Variants in ARMC3 observed in about 807,000 individuals in gnomAD.
ARMC3 encodes armadillo repeat containing 3.
ARMC3 carries 74 observed loss-of-function variants against 90.3 expected under a neutral mutation model. The ratio of observed to expected loss-of-function variants is 0.82; its 90% CI spans 0.68 to 0.99. The LOEUF is 0.99. ARMC3 is among the 50% of genes least tolerant of loss of function. The pLI, the probability that ARMC3 is intolerant of heterozygous loss-of-function variation, is 0.00. For synonymous variants in ARMC3, 334 were observed against 361.8 expected, an observed-to-expected ratio of 0.92 and a Z score of 0.87; for missense variants, 958 against 1,042.8, an observed-to-expected ratio of 0.92 and a Z score of 1.12.
intron 16 of ARMC3, chr10:23,014,494 T>A (rs879692529): frequency 3.0e-6 from 3 of 1,015,102 alleles, no homozygotes; most frequent in Middle Eastern, 4.9e-4. Context: ...TGAAAAGCCA[T>A]TGGGAATATT....
chr10:22,986,280 G>T (rs2131357872), intron 10 of ARMC3, among the ~76,000 whole-genome samples: 2 of 152,132 alleles, frequency 1.3e-5, no homozygotes, highest in South Asian at 4.2e-4. Flanking sequence ...GCCGGGCAAA[G>T]GTGGTTCACA....
At chr10:22,940,825 C>G (rs1834298812) in intron 2 of ARMC3, among the ~76,000 whole-genome samples, 1 of 152,124 alleles carries the variant, frequency 6.6e-6, no homozygotes, top group Non-Finnish European at 1.5e-5. Context: ...ACTTGCCAGA[C>G]AAGCCAGAAA....
Position 22,984,743 on chromosome 10 carries a change from G to A in ARMC3, c.1175+3043G>A, listed in dbSNP as rs1007883604. Among the ~76,000 whole-genome samples, 111 of 152,094 alleles carry A rather than the reference G, an allele frequency of 7.3e-4. 1 individual carries two copies. Among genetic ancestry groups the A allele is most frequent in the Non-Finnish European group, 2.1e-4 (14 of 68,000 alleles). ...GATGCCAAAAGATCTTACCCATTTGGTATTCATGAATGAGGTTTCTTAGAT... is the reference window on the plus strand; with the variant it reads ...GATGCCAAAAGATCTTACCCATTTGATATTCATGAATGAGGTTTCTTAGAT... On this transcript the variant is annotated intron_variant, in intron 10 of 18. Coordinates refer to ENST00000298032, the MANE Select transcript of ARMC3 (RefSeq NM_173081.5).
intron 16 of ARMC3, among the ~76,000 whole-genome samples, chr10:23,027,116 CAT>C (rs2131554313): frequency 6.6e-6 from 1 of 152,228 alleles, no homozygotes; most frequent in African/African-American, 2.4e-5. Flanking sequence ...CGTGCCTTTT[CAT>C]ATAAATTCTA....
At chr10:23,021,830 C>G (rs1371245664) in intron 16 of ARMC3, among the ~76,000 whole-genome samples, 1 of 151,988 alleles carries the variant, frequency 6.6e-6, no homozygotes, top group African/African-American at 2.4e-5. Context: ...TGTTTTTTTA[C>G]TGTTCAGTCA....
At chr10:22,994,934 C>T (rs1836884919) in intron 10 of ARMC3, among the ~76,000 whole-genome samples, 1 of 152,068 alleles carries the variant, frequency 6.6e-6, no homozygotes, top group East Asian at 1.9e-4. Context: ...GTTTTTTTCC[C>T]AATTTACATT....
intron 13 of ARMC3, among the ~76,000 whole-genome samples, chr10:23,005,612 C>A (rs1284412923): frequency 1.3e-5 from 2 of 152,160 alleles, no homozygotes; most frequent in Admixed American, 6.5e-5. Flanking sequence ...CGCCTGTAAT[C>A]CCAGCACTTT....
chr10:23,037,438 A>T lies in ARMC3; in HGVS notation c.2578A>T (p.Lys860Ter). 1 of 1,613,872 alleles carries T rather than the reference A, an allele frequency of 6.2e-7. No individual in the cohort carries two copies. Residue 860 changes from lysine (K) to a stop codon, truncating the protein, a stop_gained, in exon 19 of 19, where the codon AAG becomes TAG. Coordinates refer to ENST00000298032, the MANE Select transcript of ARMC3 (RefSeq NM_173081.5). LOFTEE classifies it high-confidence loss of function. ...CATGTTCCATCCAGGTGGACTGATGAAGTTGAGAAGTCGAGAGGCTGATCT... is the reference window on the plus strand; with the variant it reads ...CATGTTCCATCCAGGTGGACTGATGTAGTTGAGAAGTCGAGAGGCTGATCT... Reference protein sequence around the residue: ...DLMFHPGGLMKLRSREADLYR... With the variant: ...DLMFHPGGLM
intron 16 of ARMC3, among the ~76,000 whole-genome samples, chr10:23,027,672 AT>A (rs1838766443): frequency 6.6e-6 from 1 of 152,114 alleles, no homozygotes; most frequent in Non-Finnish European, 1.5e-5. Context: ...GACTGTGTAG[AT>A]TTATGTTTTC....
At chr10:22,966,736 A>G (rs1835455604) in intron 7 of ARMC3, among the ~76,000 whole-genome samples, 1 of 152,152 alleles carries the variant, frequency 6.6e-6, no homozygotes, top group Non-Finnish European at 1.5e-5. Flanking sequence ...GCAGAAGGGG[A>G]AACAGGTTCA....
intron 10 of ARMC3, among the ~76,000 whole-genome samples, chr10:22,989,932 A>T (rs890361433): frequency 4.6e-5 from 7 of 152,270 alleles, no homozygotes; most frequent in Admixed American, 1.3e-4. Context: ...ATTTCATGTC[A>T]GTGGATGCCC....
At chr10:22,994,203 C>T (rs1836847022) in intron 10 of ARMC3, among the ~76,000 whole-genome samples, 1 of 152,192 alleles carries the variant, frequency 6.6e-6, no homozygotes, top group South Asian at 2.1e-4. Context: ...GAGGGCTGGG[C>T]ATTGTCCTGG....
chr10:22,929,351 G>T (rs575626987), intron 1 of ARMC3, among the ~76,000 whole-genome samples: 3 of 151,090 alleles, frequency 2.0e-5, no homozygotes, highest in African/African-American at 4.9e-5. Flanking sequence ...GAAAAGAAAA[G>T]AAATAGTATT....
chr10:22,947,615 G>T (rs1355875314), intron 3 of ARMC3, among the ~76,000 whole-genome samples: 1 of 152,118 alleles, frequency 6.6e-6, no homozygotes, highest in African/African-American at 2.4e-5. Flanking sequence ...ACAGAAAGAA[G>T]ATATTAGGTT....
chr10:22,965,198 C>G (rs1323701818), intron 7 of ARMC3, among the ~76,000 whole-genome samples: 1 of 152,138 alleles, frequency 6.6e-6, no homozygotes, highest in East Asian at 1.9e-4. Context: ...AGGGTCATTT[C>G]CCTTCAACCT....
At chr10:22,998,042 A>C (rs906486500) in intron 10 of ARMC3, 106 bp from the exon 11 acceptor site, 7 of 1,304,266 alleles carry the variant, frequency 5.4e-6, no homozygotes, top group African/African-American at 1.5e-5. Flanking sequence ...ATTTATTTCT[A>C]AAATCGTATT....
At chr10:22,983,963 A>T (rs139380497) in intron 10 of ARMC3, among the ~76,000 whole-genome samples, 179 of 152,268 alleles carry the variant, frequency 1.2e-3, no homozygotes, top group African/African-American at 4.2e-3. Flanking sequence ...GGTCCATTCA[A>T]TCATTTCCCC....
At chr10:22,967,291 G>A (rs1835481373) in intron 7 of ARMC3, among the ~76,000 whole-genome samples, 1 of 152,054 alleles carries the variant, frequency 6.6e-6, no homozygotes, top group Non-Finnish European at 1.5e-5. Context: ...GGAACATCTA[G>A]AATAATATTT....
intron 11 of ARMC3, among the ~76,000 whole-genome samples, chr10:23,000,623 C>T (rs1837235225): frequency 6.6e-6 from 1 of 152,100 alleles, no homozygotes; most frequent in Non-Finnish European, 1.5e-5. Context: ...TAAATCTTTG[C>T]CTAAAGGACA....
Sources: allele counts gnomAD v4.1 joint callset (sites outside exome capture counted in the v4.1 genomes callset), GRCh38; gene constraint gnomAD v4.1.1; transcripts MANE v1.5; gene names NCBI Gene and HGNC (gene_info 2026-07-23, HGNC 2026-07-21).